Variants in AKR1C8 observed in about 807,000 individuals in gnomAD.
AKR1C8 encodes aldo-keto reductase family 1 member C8, also known as aldo-keto reductase family 1 member C-like protein 1.
the AKR1C8 span, among the ~76,000 whole-genome samples, chr10:5,139,569 A>G: frequency 1.3e-5 from 2 of 152,220 alleles, no homozygotes; most frequent in East Asian, 3.8e-4. Flanking sequence ...CCTATTTAAT[A>G]AATGGTGCTG....
the AKR1C8 span, among the ~76,000 whole-genome samples, chr10:5,148,044 A>G: frequency 2.0e-5 from 3 of 151,500 alleles, no homozygotes. Context: ...CTTTTTTTGT[A>G]TTTTTCTACT....
At chr10:5,145,552 T>C in the AKR1C8 span, among the ~76,000 whole-genome samples, 7 of 152,030 alleles carry the variant, frequency 4.6e-5, no homozygotes, top group East Asian at 1.9e-4. Context: ...TGAACAGACA[T>C]TTCTCAAAAG....
At chr10:5,160,798 G>C in the AKR1C8 span, 18 of 470,896 alleles carry the variant, frequency 3.8e-5, 1 homozygote, top group South Asian at 2.8e-4. Context: ...CCTGGTGTCT[G>C]CAGCAGAACA....
the AKR1C8 span, among the ~76,000 whole-genome samples, chr10:5,129,168 CT>C: frequency 3.0e-4 from 46 of 152,114 alleles, no homozygotes; most frequent in African/African-American, 1.1e-3. Context: ...AAATAATCTG[CT>C]CTTGAATGAT....
At chr10:5,166,138 C>T in the AKR1C8 span, among the ~76,000 whole-genome samples, 915 of 152,242 alleles carry the variant, frequency 6.0e-3, 5 homozygotes, top group African/African-American at 0.021. Flanking sequence ...AGCCTGCACT[C>T]TTCTCAAGTG....
chr10:5,162,000 G>C, the AKR1C8 span: 1 of 526,970 alleles, frequency 1.9e-6, no homozygotes, highest in East Asian at 5.5e-5. Flanking sequence ...AACAAAAATG[G>C]ATTATAATTT....
the AKR1C8 span, among the ~76,000 whole-genome samples, chr10:5,170,995 T>C: frequency 6.6e-6 from 1 of 152,146 alleles, no homozygotes; most frequent in African/African-American, 2.4e-5. Flanking sequence ...AAAATGTCTT[T>C]CACTTTGAAA....
the AKR1C8 span, among the ~76,000 whole-genome samples, chr10:5,169,715 C>A: frequency 6.6e-6 from 1 of 151,336 alleles, no homozygotes; most frequent in South Asian, 2.1e-4. Context: ...ATAGTCCTAC[C>A]GCAAATAGTA....
chr10:5,135,896 G>T, the AKR1C8 span, among the ~76,000 whole-genome samples: 1 of 152,004 alleles, frequency 6.6e-6, no homozygotes, highest in African/African-American at 2.4e-5. Context: ...ATTGTAGAAG[G>T]AATATTCATT....
the AKR1C8 span, among the ~76,000 whole-genome samples, chr10:5,129,715 A>C: frequency 2.0e-5 from 3 of 152,086 alleles, no homozygotes; most frequent in African/African-American, 7.2e-5. Context: ...CTTAGATTAG[A>C]TCAGGAAGAA....
the AKR1C8 span, chr10:5,159,821 T>A: frequency 2.1e-6 from 1 of 475,304 alleles, no homozygotes; most frequent in Non-Finnish European, 4.4e-6. Flanking sequence ...GGAGACATGA[T>A]TAAGCAGGAA....
At chr10:5,144,830 A>G in the AKR1C8 span, among the ~76,000 whole-genome samples, 3 of 152,152 alleles carry the variant, frequency 2.0e-5, no homozygotes, top group African/African-American at 7.2e-5. Flanking sequence ...GGACAATTTG[A>G]CTTCCTCTTT....
the AKR1C8 span, chr10:5,159,850 G>T: frequency 4.1e-6 from 2 of 489,512 alleles, no homozygotes; most frequent in African/African-American, 2.0e-5. Context: ...ACAGCAAAAA[G>T]TCAGAGAAGG....
the AKR1C8 span, among the ~76,000 whole-genome samples, chr10:5,148,357 G>T: frequency 6.6e-6 from 1 of 152,058 alleles, no homozygotes; most frequent in South Asian, 2.1e-4. Flanking sequence ...ATAAATAATT[G>T]ATCTTATTGT....
chr10:5,156,961 T>C, the AKR1C8 span, among the ~76,000 whole-genome samples: 2 of 152,238 alleles, frequency 1.3e-5, no homozygotes, highest in East Asian at 3.8e-4. Flanking sequence ...CTGTGATTAA[T>C]ACAAGGTCCA....
At chr10:5,172,470 A>T in the AKR1C8 span, among the ~76,000 whole-genome samples, 8 of 152,118 alleles carry the variant, frequency 5.3e-5, no homozygotes, top group Non-Finnish European at 8.8e-5. Context: ...GATTAAAAGT[A>T]AGGATATTTT....
At chr10:5,146,592 C>T in the AKR1C8 span, among the ~76,000 whole-genome samples, 4 of 152,106 alleles carry the variant, frequency 2.6e-5, no homozygotes, top group African/African-American at 7.2e-5. Flanking sequence ...CCATACTCCA[C>T]AATTTGTGAA....
At chr10:5,175,232 T>G in the AKR1C8 span, among the ~76,000 whole-genome samples, 1 of 151,578 alleles carries the variant, frequency 6.6e-6, no homozygotes, top group Non-Finnish European at 1.5e-5. Context: ...GATGTTTGGT[T>G]TTTTGTCCTT....
At chr10:5,182,688 T>C in the AKR1C8 span, among the ~76,000 whole-genome samples, 1 of 152,122 alleles carries the variant, frequency 6.6e-6, no homozygotes, top group African/African-American at 2.4e-5. Flanking sequence ...GGCAGGCAGA[T>C]TGCCTGAGCT....
Sources: gnomAD v4.1 joint callset for allele counts (sites outside exome capture counted in the v4.1 genomes callset) on GRCh38, gnomAD v4.1.1 for gene constraint, MANE v1.5 for transcripts, NCBI Gene and HGNC (gene_info 2026-07-23, HGNC 2026-07-21) for gene names.